The following PIGK variants were observed in gnomAD, a reference collection of about 807,000 sequenced individuals.
The protein encoded by PIGK is phosphatidylinositol glycan anchor biosynthesis class K.
Under a neutral mutation model 50.6 loss-of-function variants are expected in PIGK, and 42 were observed. The observed-to-expected ratio is 0.83, with a 90% confidence interval of 0.65 to 1.07. The LOEUF (loss-of-function observed/expected upper bound fraction) is 1.07. Among genes scored for constraint, PIGK ranks in the 50% least tolerant of loss-of-function variants. The probability of loss-of-function intolerance (pLI) is 0.00; values close to 1 mark genes in which losing one functional copy is unlikely to be tolerated. For synonymous variants in PIGK, 151 were observed against 156.0 expected (o/e 0.97, Z 0.24); for missense variants, 448 against 488.7 (o/e 0.92, Z 0.78).
At chr1:77,215,851 T>G (rs1656547672) in intron 1 of PIGK, among the ~76,000 whole-genome samples, 1 of 152,180 alleles carries the variant, frequency 6.6e-6, no homozygotes, top group Admixed American at 6.5e-5. Flanking sequence ...AATTTAAATT[T>G]TTTAATTTCA....
chr1:77,176,265 C>G (rs946318991), intron 3 of PIGK, among the ~76,000 whole-genome samples: 1 of 152,096 alleles, frequency 6.6e-6, no homozygotes, highest in Non-Finnish European at 1.5e-5. Flanking sequence ...TTTCTGACCT[C>G]TAACTTTGGG....
chr1:77,177,865 A>T (rs1655522834), intron 3 of PIGK, among the ~76,000 whole-genome samples: 1 of 152,212 alleles, frequency 6.6e-6, no homozygotes, highest in African/African-American at 2.4e-5. Flanking sequence ...ACTGGGAAAG[A>T]TTCCTCCACA....
intron 6 of PIGK, among the ~76,000 whole-genome samples, chr1:77,163,114 C>T (rs1383620294): frequency 6.6e-6 from 1 of 152,120 alleles, no homozygotes; most frequent in Non-Finnish European, 1.5e-5. Context: ...ATGAATAAGA[C>T]ATAATCAGTG....
chr1:77,200,630 T>A (rs988132563), intron 3 of PIGK, among the ~76,000 whole-genome samples: 3 of 152,174 alleles, frequency 2.0e-5, no homozygotes, highest in Admixed American at 6.5e-5. Flanking sequence ...TCAGACAATG[T>A]ATATTAAAAG....
intron 2 of PIGK, among the ~76,000 whole-genome samples, chr1:77,207,937 T>C (rs1308117973): frequency 6.6e-6 from 1 of 152,160 alleles, no homozygotes; most frequent in Non-Finnish European, 1.5e-5. Flanking sequence ...ATCATAAAAT[T>C]CTAGCTGGAC....
chr1:77,157,787 A>G (rs926655292), intron 8 of PIGK, among the ~76,000 whole-genome samples: 1 of 152,108 alleles, frequency 6.6e-6, no homozygotes, highest in Non-Finnish European at 1.5e-5. Context: ...CAGACTTGGT[A>G]GGAGGTAACT....
At chr1:77,122,423 T>TGC in intron 9 of PIGK, 64 bp from the exon 10 acceptor site, 1 of 848,928 alleles carries the variant, frequency 1.2e-6, no homozygotes, top group African/African-American at 1.7e-5. Flanking sequence ...TAGCAAATAT[T>TGC]TAAATATGTC....
intron 2 of PIGK, among the ~76,000 whole-genome samples, chr1:77,208,816 C>T (rs1367585233): frequency 6.6e-6 from 1 of 152,164 alleles, no homozygotes; most frequent in Non-Finnish European, 1.5e-5. Context: ...AACTTGGAAT[C>T]ACCCTATTTA....
intron 3 of PIGK, among the ~76,000 whole-genome samples, chr1:77,188,215 C>A (rs1043505892): frequency 6.6e-6 from 1 of 152,118 alleles, no homozygotes; most frequent in African/African-American, 2.4e-5. Flanking sequence ...AGAACAGAGC[C>A]ATATTTCTCT....
intron 10 of PIGK, among the ~76,000 whole-genome samples, chr1:77,108,569 T>C (rs1653754317): frequency 6.6e-6 from 1 of 152,172 alleles, no homozygotes; most frequent in African/African-American, 2.4e-5. Context: ...ATTATGTGTC[T>C]TGGAGTTGCT....
intron 10 of PIGK, among the ~76,000 whole-genome samples, chr1:77,098,913 A>T (rs1434670212): frequency 6.6e-6 from 1 of 152,196 alleles, no homozygotes; most frequent in Non-Finnish European, 1.5e-5. Context: ...TCTTCTTACA[A>T]TTAAACCAGT....
chr1:77,168,412 C>T (rs1028358629), intron 4 of PIGK, among the ~76,000 whole-genome samples: 6 of 152,044 alleles, frequency 3.9e-5, no homozygotes, highest in Non-Finnish European at 5.9e-5. Flanking sequence ...ATTGTTTTAA[C>T]AGGAATTCTT....
chr1:77,190,967 C>T (rs1655891274), intron 3 of PIGK, among the ~76,000 whole-genome samples: 1 of 152,190 alleles, frequency 6.6e-6, no homozygotes. Flanking sequence ...GCCACCTCAC[C>T]GTTCCCTTCC....
intron 10 of PIGK, among the ~76,000 whole-genome samples, chr1:77,106,149 T>C (rs1417589905): frequency 6.6e-6 from 1 of 152,208 alleles, no homozygotes; most frequent in Non-Finnish European, 1.5e-5. Flanking sequence ...ATGGGACAAG[T>C]TTTAAATTTA....
chr1:77,107,579 G>C (rs557984481), intron 10 of PIGK, among the ~76,000 whole-genome samples: 70 of 152,302 alleles, frequency 4.6e-4, no homozygotes, highest in Admixed American at 1.6e-3. Flanking sequence ...ATTTGGGGTG[G>C]AGAGTTCTGT....
intron 3 of PIGK, among the ~76,000 whole-genome samples, chr1:77,169,743 T>C (rs1303589318): frequency 6.6e-6 from 1 of 152,214 alleles, no homozygotes; most frequent in African/African-American, 2.4e-5. Context: ...GTATACTTTA[T>C]GCCACATAGC....
intron 10 of PIGK, among the ~76,000 whole-genome samples, chr1:77,103,580 C>A (rs1319688468): frequency 6.6e-6 from 1 of 152,182 alleles, no homozygotes; most frequent in African/African-American, 2.4e-5. Flanking sequence ...AAAAACGAAA[C>A]AAATGAGTCC....
intron 3 of PIGK, among the ~76,000 whole-genome samples, chr1:77,171,959 A>G (rs1655372460): frequency 6.7e-6 from 1 of 150,304 alleles, no homozygotes; most frequent in South Asian, 2.1e-4. Flanking sequence ...AAACTAGCAA[A>G]CTAATAATAC....
intron 8 of PIGK, among the ~76,000 whole-genome samples, chr1:77,155,373 C>T (rs758414555): frequency 6.6e-6 from 1 of 152,172 alleles, no homozygotes; most frequent in East Asian, 1.9e-4. Flanking sequence ...CATATATTCA[C>T]TCACTCAGCA....
Sources: allele counts gnomAD v4.1 joint callset (sites outside exome capture counted in the v4.1 genomes callset), GRCh38; gene constraint gnomAD v4.1.1; transcripts MANE v1.5; gene names NCBI Gene and HGNC (gene_info 2026-07-23, HGNC 2026-07-21).